The following ARHGAP31 variants were observed in gnomAD, a reference collection of about 807,000 sequenced individuals.
ARHGAP31 encodes the protein Rho GTPase activating protein 31.
Under a neutral mutation model 113.9 loss-of-function variants are expected in ARHGAP31, and 34 were observed. The observed-to-expected ratio is 0.30, with a 90% CI of 0.23 to 0.40. ARHGAP31 has a LOEUF of 0.40. Ranked by LOEUF, ARHGAP31 falls within the 10% of genes least tolerant of loss-of-function variation. The probability of loss-of-function intolerance (pLI) is 1.00; values close to 1 mark genes in which losing one functional copy is unlikely to be tolerated. For missense variants in ARHGAP31, 1,548 were observed against 1,767.1 expected (o/e 0.88, Z 2.22); for synonymous variants, 650 against 684.8 (o/e 0.95, Z 0.79).
At chr3:119,405,735 C>G (rs1225654101) in intron 10 of ARHGAP31, among the ~76,000 whole-genome samples, 7 of 152,162 alleles carry the variant, frequency 4.6e-5, no homozygotes. Context: ...TATAATGTGT[C>G]ACATGCTGGG....
chr3:119,386,556 A>C (rs1255095431), intron 6 of ARHGAP31, among the ~76,000 whole-genome samples: 2 of 152,230 alleles, frequency 1.3e-5, no homozygotes, highest in African/African-American at 4.8e-5. Context: ...GACCAGCCCT[A>C]CAGGGTCAGT....
In ARHGAP31 at chr3:119,419,549, AGAG is replaced by A. The variant is rs1560001602; in HGVS notation, c.*3286_*3288del. On this transcript the variant is annotated 3_prime_UTR_variant, in exon 12 of 12. Coordinates refer to ENST00000264245, the MANE Select transcript of ARHGAP31 (RefSeq NM_020754.4). Reference sequence around the variant, plus strand: ...TACCTTAGCACTCCCAAATCATTCAAGAGTCTAGTGAAAAAGGGGGAGGGATGG... The same window carrying A: ...TACCTTAGCACTCCCAAATCATTCAATCTAGTGAAAAAGGGGGAGGGATGG... 2.0e-5 allele frequency: 3 copies of A among 152,188 alleles called. No homozygotes were observed. Among genetic ancestry groups the A allele is most frequent in the Non-Finnish European group, 4.4e-5 (3 of 68,028 alleles). 9.4% of individuals were successfully genotyped at this position (152,188 alleles called of 1,614,324 possible).
chr3:119,380,067 A>T (rs1218703022), intron 3 of ARHGAP31, among the ~76,000 whole-genome samples: 1 of 152,182 alleles, frequency 6.6e-6, no homozygotes, highest in South Asian at 2.1e-4. Context: ...CACTGCCTTT[A>T]TTGCTATTCC....
chr3:119,353,998 C>T (rs74512702), intron 1 of ARHGAP31, among the ~76,000 whole-genome samples: 8 of 152,276 alleles, frequency 5.3e-5, no homozygotes, highest in African/African-American at 1.7e-4. Flanking sequence ...CTGAGGGCCC[C>T]GGCAGGGATA....
In ARHGAP31 at chr3:119,300,842, A is replaced by G. The variant is rs545697510; in HGVS notation, c.100+5838A>G. On this transcript the variant is annotated intron_variant, in intron 1 of 11. Transcript: ENST00000264245. ...ACTGACTCCATCTCAAAAAAAAAAA[A>G]AAAGAAAGAAAGAAAGAAAGAAAGA... Among the ~76,000 whole-genome samples the G allele has an allele frequency of 1.5e-3, 206 of 139,034 alleles. 2 individuals carry two copies. In the East Asian group the frequency reaches 0.024, roughly 16 times the overall value. The allele number at this position is 139,034 out of a possible 152,430, so 91.2% of individuals were successfully genotyped here.
intron 1 of ARHGAP31, chr3:119,330,068 C>T (rs1187905244): frequency 1.1e-6 from 1 of 937,282 alleles, no homozygotes; most frequent in Non-Finnish European, 1.3e-6. Context: ...TCCATTCAAT[C>T]GTCTGATTGT....
chr3:119,380,049 T>C (rs763278217), intron 3 of ARHGAP31, among the ~76,000 whole-genome samples: 17 of 152,224 alleles, frequency 1.1e-4, no homozygotes, highest in African/African-American at 3.9e-4. Context: ...TGGACCAGCC[T>C]GTAATCACAC....
intron 1 of ARHGAP31, among the ~76,000 whole-genome samples, chr3:119,343,943 G>C (rs1210029336): frequency 6.6e-6 from 1 of 152,208 alleles, no homozygotes; most frequent in Admixed American, 6.5e-5. Context: ...GGTGTCCCAC[G>C]AGTAGGCCTA....
At chr3:119,362,776 A>AG (rs2080220296) in intron 1 of ARHGAP31, among the ~76,000 whole-genome samples, 2 of 150,144 alleles carry the variant, frequency 1.3e-5, no homozygotes, top group African/African-American at 5.0e-5. Context: ...CTAAAAAAAA[A>AG]AAAAAAAGGC....
chr3:119,365,333 A>G lies in ARHGAP31; in HGVS notation c.118A>G (p.Ser40Gly), dbSNP rs527930921. Residue 40 changes from serine to glycine, a missense_variant, in exon 2 of 12, where the codon AGC (serine) becomes GGC (glycine). Physicochemically the swap from Ser to Gly is moderately conservative, Grantham distance 56. Transcript: ENST00000264245. ...TTACATAGTTCCATACGTTTTGAAG[A>G]GCTGTGCAGAATTTATAGAGACTCA... Reference protein sequence around the residue: ...SGQDVPYVLKSCAEFIETHGI... With the variant: ...SGQDVPYVLKGCAEFIETHGI... 1.2e-6 allele frequency: 2 copies of G among 1,613,824 alleles called. No homozygotes were observed. The highest frequency in any genetic ancestry group is 1.1e-5 in the South Asian group (1 of 91,070).
intron 1 of ARHGAP31, among the ~76,000 whole-genome samples, chr3:119,343,208 C>T (rs1443206869): frequency 6.6e-6 from 1 of 152,006 alleles, no homozygotes; most frequent in Non-Finnish European, 1.5e-5. Flanking sequence ...TAGTAGGTGC[C>T]AGGGGGAACT....
chr3:119,328,933 GA>G (rs1367946823), intron 1 of ARHGAP31, among the ~76,000 whole-genome samples: 1 of 152,174 alleles, frequency 6.6e-6, no homozygotes. Context: ...GAGAGGAAAT[GA>G]AACCATGTAA....
chr3:119,393,400 C>T, intron 7 of ARHGAP31, 67 bp from the exon 8 acceptor site: 2 of 1,591,484 alleles, frequency 1.3e-6, no homozygotes, highest in Non-Finnish European at 8.6e-7. Context: ...AATATTTGGT[C>T]TCAATTTAAA....
intron 3 of ARHGAP31, among the ~76,000 whole-genome samples, chr3:119,378,702 G>A (rs184374612): frequency 1.4e-4 from 22 of 152,116 alleles, no homozygotes; most frequent in Non-Finnish European, 3.1e-4. Flanking sequence ...TCTCTCCCTT[G>A]GCTCCCCGGC....
intron 1 of ARHGAP31, among the ~76,000 whole-genome samples, chr3:119,345,281 C>T (rs1266531806): frequency 2.0e-5 from 3 of 152,032 alleles, no homozygotes; most frequent in South Asian, 2.1e-4. Flanking sequence ...CCACCACGCC[C>T]GGCCCGGTGG....
chr3:119,353,135 C>A (rs1435721882), intron 1 of ARHGAP31, among the ~76,000 whole-genome samples: 2 of 152,172 alleles, frequency 1.3e-5, no homozygotes, highest in African/African-American at 4.8e-5. Context: ...GTTCTTATTG[C>A]AGCACCTTGA....
rs2080785329 is a variant in ARHGAP31 at position 119,417,060 on chromosome 3, G to A, written c.*796G>A. On this transcript the variant is annotated 3_prime_UTR_variant, in exon 12 of 12. Coordinates refer to ENST00000264245, the MANE Select transcript of ARHGAP31 (RefSeq NM_020754.4). ...AGTAGCTACGCAGGGTGGAGGCTGG[G>A]CTGAGGATTACCATAATGAAATGTA... 1 of 152,372 alleles carries A rather than the reference G, an allele frequency of 6.6e-6. No individual in the cohort carries two copies. Among genetic ancestry groups the A allele is most frequent in the Non-Finnish European group, 1.5e-5 (1 of 68,186 alleles). The allele number at this position is 152,372 out of a possible 1,614,324, so 9.4% of individuals were successfully genotyped here.
chr3:119,389,644 T>C (rs1291566545), intron 6 of ARHGAP31, among the ~76,000 whole-genome samples: 1 of 152,176 alleles, frequency 6.6e-6, no homozygotes, highest in Non-Finnish European at 1.5e-5. Flanking sequence ...CCTTTTTCAA[T>C]GGTTTTACTT....
chr3:119,408,515 G>A (rs2080685415), intron 10 of ARHGAP31, among the ~76,000 whole-genome samples: 1 of 152,200 alleles, frequency 6.6e-6, no homozygotes, highest in South Asian at 2.1e-4. Flanking sequence ...CTTGTGCTGT[G>A]TGCCAGACAC....
Sources: allele counts gnomAD v4.1 joint callset (sites outside exome capture counted in the v4.1 genomes callset), GRCh38; gene constraint gnomAD v4.1.1; transcripts MANE v1.5; gene names NCBI Gene and HGNC (gene_info 2026-07-23, HGNC 2026-07-21).